The following PAQR5 variants were observed in gnomAD, a reference collection of about 807,000 sequenced individuals.
PAQR5 encodes progestin and adipoQ receptor family member 5, also known as membrane progestin receptor gamma.
PAQR5 carries 20 observed loss-of-function variants against 34.5 expected under a neutral mutation model. That is an observed-to-expected ratio of 0.58 (90% CI 0.41 to 0.84). The LOEUF is 0.84. Ranked by LOEUF, PAQR5 falls within the 40% of genes least tolerant of loss-of-function variation. The pLI is 0.00. For missense variants in PAQR5, 378 were observed against 412.7 expected, an observed-to-expected ratio of 0.92 and a Z score of 0.73; for synonymous variants, 131 against 155.6, an observed-to-expected ratio of 0.84 and a Z score of 1.18.
In PAQR5 at chr15:69,403,817, A is replaced by G. The variant is rs2056708394; in HGVS notation, c.988A>G (p.Thr330Ala). 1 of 1,613,758 alleles carries G rather than the reference A, an allele frequency of 6.2e-7. No homozygotes were observed. Among genetic ancestry groups the G allele is most frequent in the Non-Finnish European group, 8.5e-7 (1 of 1,179,998 alleles). ...IPKPELHKKE[T>A] The stretch of plus-strand genomic sequence containing the variant: ...CAAGCCAGAATTACATAAAAAAGAA[A>G]CATGACTCAGACCATAAGCTTTTCA... Residue 330 changes from threonine (T) to alanine (A), a missense_variant, in exon 9 of 9, where the codon ACA becomes GCA. Physicochemically the swap from Thr to Ala is moderately conservative, Grantham distance 58. Coordinates refer to ENST00000395407, the MANE Select transcript of PAQR5 (RefSeq NM_017705.4).
At chr15:69,384,252 C>T (rs1468832515) in intron 4 of PAQR5, among the ~76,000 whole-genome samples, 4 of 125,988 alleles carry the variant, frequency 3.2e-5, no homozygotes, top group Non-Finnish European at 6.5e-5. Context: ...CCTCTGTGTT[C>T]GTGGTGGAGG....
At chr15:69,356,947 G>T (rs2055094628) in intron 2 of PAQR5, among the ~76,000 whole-genome samples, 1 of 152,130 alleles carries the variant, frequency 6.6e-6, no homozygotes, top group South Asian at 2.1e-4. Flanking sequence ...CCTGGAGGGA[G>T]GTGTTTGTAT....
At chr15:69,338,797 T>C (rs531618011) in intron 2 of PAQR5, among the ~76,000 whole-genome samples, 1 of 152,370 alleles carries the variant, frequency 6.6e-6, no homozygotes, top group Admixed American at 6.5e-5. Context: ...GGGCATAGGC[T>C]GATCTAACTC....
At chr15:69,382,437 G>T (rs2055911552) in intron 4 of PAQR5, among the ~76,000 whole-genome samples, 1 of 151,964 alleles carries the variant, frequency 6.6e-6, no homozygotes, top group African/African-American at 2.4e-5. Flanking sequence ...ACAAGGTCAG[G>T]AGATCGAGAC....
chr15:69,372,201 C>T (rs918659642), intron 3 of PAQR5, among the ~76,000 whole-genome samples: 4 of 152,200 alleles, frequency 2.6e-5, no homozygotes, highest in Non-Finnish European at 4.4e-5. Context: ...CATGTTCGGC[C>T]AGAAGAAATT....
intron 1 of PAQR5, among the ~76,000 whole-genome samples, chr15:69,334,986 G>C (rs1210231541): frequency 1.3e-5 from 2 of 152,072 alleles, no homozygotes; most frequent in Non-Finnish European, 2.9e-5. Flanking sequence ...ATTTTGGGAG[G>C]CTGAGGAGTG....
At chr15:69,305,381 G>A (rs571602071) in intron 1 of PAQR5, among the ~76,000 whole-genome samples, 3 of 152,262 alleles carry the variant, frequency 2.0e-5, no homozygotes, top group African/African-American at 7.2e-5. Context: ...AATGTGGACT[G>A]GGTGTGAATG....
chr15:69,394,441 C>T (rs981416097), intron 6 of PAQR5, among the ~76,000 whole-genome samples: 1 of 152,310 alleles, frequency 6.6e-6, no homozygotes, highest in African/African-American at 2.4e-5. Flanking sequence ...CCATAACTAC[C>T]GCCCCCATGT....
intron 3 of PAQR5, among the ~76,000 whole-genome samples, chr15:69,361,455 G>A (rs1303408713): frequency 6.6e-6 from 1 of 152,136 alleles, no homozygotes. Context: ...CCATCACGAG[G>A]GAGTGTATTA....
chr15:69,317,897 TG>T (rs2053991992), intron 1 of PAQR5, among the ~76,000 whole-genome samples: 1 of 152,194 alleles, frequency 6.6e-6, no homozygotes. Context: ...CTGCTGTCTC[TG>T]GGGACATCGT....
At position 69,362,481 on chromosome 15, in the gene PAQR5, C is replaced by T. The variant is rs1440625108; in HGVS notation, c.51+2350C>T. ...ATGCACAGGTATTAAAAATGGAATG[C>T]ACAATTTACATGAATATTTAAAATA... On this transcript the variant is annotated intron_variant, in intron 3 of 8. Coordinates refer to ENST00000395407, the MANE Select transcript of PAQR5 (RefSeq NM_017705.4). Among the ~76,000 whole-genome samples the T allele has an allele frequency of 2.0e-5, 3 of 152,154 alleles. No homozygotes were observed. The South Asian group carries it at 6.2e-4, about 32-fold the overall frequency.
At chr15:69,353,888 C>T (rs550958780) in intron 2 of PAQR5, among the ~76,000 whole-genome samples, 3 of 152,128 alleles carry the variant, frequency 2.0e-5, no homozygotes, top group Non-Finnish European at 4.4e-5. Flanking sequence ...GCCACCCAGC[C>T]ACTTTGGGCT....
chr15:69,388,984 T>C (rs1418851783), intron 5 of PAQR5, among the ~76,000 whole-genome samples: 1 of 152,202 alleles, frequency 6.6e-6, no homozygotes, highest in Non-Finnish European at 1.5e-5. Context: ...TCCAAATAAA[T>C]GCTTCAGCAA....
chr15:69,312,327 G>C (rs12914814), intron 1 of PAQR5, among the ~76,000 whole-genome samples: 6,566 of 152,146 alleles, frequency 0.043, 294 homozygotes, highest in East Asian at 0.15. Flanking sequence ...TGGGGGCTCA[G>C]AGTGGGGCTT....
intron 2 of PAQR5, among the ~76,000 whole-genome samples, chr15:69,352,585 C>T (rs1267831967): frequency 3.9e-5 from 6 of 152,206 alleles, no homozygotes; most frequent in East Asian, 1.9e-4. Flanking sequence ...CGGGGCCTGC[C>T]GTCCAGATGG....
intron 1 of PAQR5, among the ~76,000 whole-genome samples, chr15:69,331,318 T>C (rs1276411109): frequency 2.0e-5 from 3 of 152,186 alleles, no homozygotes; most frequent in African/African-American, 7.2e-5. Flanking sequence ...GGGGTCTCAG[T>C]TGGCTCTTTC....
intron 2 of PAQR5, among the ~76,000 whole-genome samples, chr15:69,338,428 G>C (rs189156477): frequency 6.6e-6 from 1 of 152,186 alleles, no homozygotes; most frequent in Admixed American, 6.5e-5. Flanking sequence ...CTTATAGTAG[G>C]CTGTTCACTT....
In PAQR5 at chr15:69,376,064, C is replaced by T. The variant is rs367918198; in HGVS notation, c.52-3819C>T. Among the ~76,000 whole-genome samples the T allele has an allele frequency of 3.0e-4, 46 of 152,334 alleles. No individual in the cohort carries two copies. In the South Asian group the frequency reaches 9.5e-3, roughly 32 times the overall value. Reference sequence around the variant, plus strand: ...GGCAGGAACTGAAAGGGAAAACTTGCTGATGTGCCCTTCTGCTCCTAGTTC... The same window carrying T: ...GGCAGGAACTGAAAGGGAAAACTTGTTGATGTGCCCTTCTGCTCCTAGTTC... On this transcript the variant is annotated intron_variant, in intron 3 of 8. Coordinates refer to ENST00000395407, the MANE Select transcript of PAQR5 (RefSeq NM_017705.4).
chr15:69,333,608 G>T (rs2054442045), intron 1 of PAQR5, among the ~76,000 whole-genome samples: 1 of 152,216 alleles, frequency 6.6e-6, no homozygotes, highest in South Asian at 2.1e-4. Context: ...TGAATGGAAT[G>T]CAGGGTAGAA....
Sources: gnomAD v4.1 joint callset for allele counts (sites outside exome capture counted in the v4.1 genomes callset) on GRCh38, gnomAD v4.1.1 for gene constraint, MANE v1.5 for transcripts, NCBI Gene and HGNC (gene_info 2026-07-23, HGNC 2026-07-21) for gene names.